LCLAT1: variants seen among roughly 807,000 people sequenced by gnomAD.
LCLAT1 encodes lysocardiolipin acyltransferase 1.
A neutral mutation model predicts 30.7 loss-of-function variants in LCLAT1; 11 were observed. That is an observed-to-expected ratio of 0.36 (90% CI 0.23 to 0.59). The LOEUF is 0.59. Ranked by LOEUF, LCLAT1 falls within the 20% of genes least tolerant of loss-of-function variation. LCLAT1 has a pLI of 0.77. For synonymous variants in LCLAT1, 155 were observed against 151.3 expected, an observed-to-expected ratio of 1.02 and a Z score of -0.18; for missense variants, 402 against 458.6, an observed-to-expected ratio of 0.88 and a Z score of 1.13.
At chr2:30,528,791 T>C (rs1685856545) in intron 2 of LCLAT1, among the ~76,000 whole-genome samples, 1 of 152,238 alleles carries the variant, frequency 6.6e-6, no homozygotes, top group Non-Finnish European at 1.5e-5. Context: ...GGAAAACTGC[T>C]GTCACTCAGC....
intron 1 of LCLAT1, among the ~76,000 whole-genome samples, chr2:30,512,206 T>C (rs911591752): frequency 2.0e-5 from 3 of 152,192 alleles, no homozygotes; most frequent in Non-Finnish European, 4.4e-5. Flanking sequence ...CTTATTTTAT[T>C]TCATGACACA....
intron 3 of LCLAT1, among the ~76,000 whole-genome samples, chr2:30,555,463 G>A (rs61006780): frequency 0.039 from 5,941 of 152,200 alleles, 398 homozygotes; most frequent in African/African-American, 0.13. Flanking sequence ...TAAGGATTGT[G>A]TTAGTTATAA....
At chr2:30,473,500 T>G (rs1161810105) in intron 1 of LCLAT1, among the ~76,000 whole-genome samples, 1 of 152,290 alleles carries the variant, frequency 6.6e-6, no homozygotes, top group South Asian at 2.1e-4. Flanking sequence ...TTTCATCCCT[T>G]TATTTATTCT....
At chr2:30,525,478 CT>C in intron 1 of LCLAT1, 108 bp from the exon 2 acceptor site, 1 of 836,056 alleles carries the variant, frequency 1.2e-6, no homozygotes, top group Non-Finnish European at 1.9e-6. Flanking sequence ...TTCTTAGAGC[CT>C]TTCTGTAGCC....
intron 5 of LCLAT1, among the ~76,000 whole-genome samples, chr2:30,617,434 G>A (rs1467845779): frequency 6.6e-6 from 1 of 152,070 alleles, no homozygotes; most frequent in African/African-American, 2.4e-5. Context: ...ACCATTCATG[G>A]ACTGATAGAC....
intron 5 of LCLAT1, among the ~76,000 whole-genome samples, chr2:30,628,755 A>G (rs1420965438): frequency 1.3e-5 from 2 of 152,200 alleles, no homozygotes; most frequent in Non-Finnish European, 2.9e-5. Flanking sequence ...ACTGATATCC[A>G]TTTGAAAGAA....
Position 30,550,603 on chromosome 2 carries a change from A to T in LCLAT1, c.365-11543A>T, listed in dbSNP as rs1664635735. On this transcript the variant is annotated intron_variant, in intron 3 of 5. Transcript: ENST00000379509. ...AGAGGTGGAGTACCCTTCTCATGTC[A>T]GAGGTTCATGATATCAACATGGCTT... is the stretch of plus-strand genomic sequence containing the variant. Among the ~76,000 whole-genome samples, 5 of 152,334 alleles carry T rather than the reference A, an allele frequency of 3.3e-5. No homozygotes were observed. In the South Asian group the frequency reaches 1.0e-3, roughly 32 times the overall value.
At chr2:30,634,452 C>G (rs953538311) in intron 5 of LCLAT1, among the ~76,000 whole-genome samples, 33 of 152,254 alleles carry the variant, frequency 2.2e-4, no homozygotes, top group African/African-American at 6.3e-4. Flanking sequence ...ATGGTGAAAC[C>G]CCATCTCTAC....
intron 1 of LCLAT1, among the ~76,000 whole-genome samples, chr2:30,510,622 C>T (rs1033894563): frequency 3.3e-5 from 5 of 152,146 alleles, no homozygotes; most frequent in African/African-American, 1.2e-4. Context: ...TCATTTTCTC[C>T]GGTTCCGGGG....
intron 5 of LCLAT1, among the ~76,000 whole-genome samples, chr2:30,611,320 A>G (rs553032992): frequency 5.3e-5 from 8 of 152,106 alleles, no homozygotes; most frequent in Non-Finnish European, 1.2e-4. Flanking sequence ...AAACTATATA[A>G]TGTCCTAATT....
intron 5 of LCLAT1, among the ~76,000 whole-genome samples, chr2:30,584,740 C>G (rs1185363957): frequency 6.6e-6 from 1 of 152,146 alleles, no homozygotes; most frequent in African/African-American, 2.4e-5. Context: ...CATCAGGCCT[C>G]TGTAATAATT....
intron 1 of LCLAT1, among the ~76,000 whole-genome samples, chr2:30,520,906 G>A (rs1421680014): frequency 6.6e-6 from 1 of 152,186 alleles, no homozygotes; most frequent in East Asian, 1.9e-4. Context: ...TGTGTGAACT[G>A]GAACAAATCC....
At position 30,487,395 on chromosome 2, in the gene LCLAT1, C is replaced by T. The variant is rs541087925; in HGVS notation, c.-4-38192C>T. Reference sequence around the variant, plus strand: ...CCGTAATTTAATAAATTGAAACAAACATAAAATAGTGACATTTGTAGTAGG... The same window carrying T: ...CCGTAATTTAATAAATTGAAACAAATATAAAATAGTGACATTTGTAGTAGG... On this transcript the variant is annotated intron_variant, in intron 1 of 5. Transcript: ENST00000379509. Among the ~76,000 whole-genome samples the T allele has an allele frequency of 2.6e-5, 4 of 152,268 alleles. No homozygotes were observed. In the East Asian group the frequency reaches 7.7e-4, roughly 29 times the overall value.
rs72798184 is a variant in LCLAT1 at position 30,633,124 on chromosome 2, A to G, written c.629-6993A>G. Among the ~76,000 whole-genome samples, 1,401 of 152,312 alleles carry G rather than the reference A, an allele frequency of 9.2e-3. 17 individuals are homozygous for G. The highest frequency in any genetic ancestry group is 0.012 in the Non-Finnish European group (824 of 68,028). ...TTTATTACTAGCTATGTACTGTTAC[A>G]TGTCCATGTCAACGTGGCACAGTGA... On this transcript the variant is annotated intron_variant, in intron 5 of 5. Coordinates refer to ENST00000379509, the MANE Select transcript of LCLAT1 (RefSeq NM_001002257.3).
intron 1 of LCLAT1, among the ~76,000 whole-genome samples, chr2:30,463,094 C>G (rs1682244976): frequency 6.6e-6 from 1 of 151,920 alleles, no homozygotes; most frequent in Non-Finnish European, 1.5e-5. Flanking sequence ...GCAAGATCCT[C>G]TCTCTTAATA....
intron 5 of LCLAT1, among the ~76,000 whole-genome samples, chr2:30,592,682 A>G (rs1666749549): frequency 6.6e-6 from 1 of 152,216 alleles, no homozygotes; most frequent in Non-Finnish European, 1.5e-5. Context: ...AGTAGCATCT[A>G]TTTAAATATA....
At chr2:30,607,253 G>C (rs1040251036) in intron 5 of LCLAT1, 1 of 152,038 alleles carries the variant, frequency 6.6e-6, no homozygotes, top group Non-Finnish European at 1.5e-5. Flanking sequence ...AGCCAGGATG[G>C]TCTCGATCTC....
In LCLAT1 at chr2:30,537,542, A is replaced by G. The variant is rs936781655; in HGVS notation, c.364+4228A>G. On this transcript the variant is annotated intron_variant, in intron 3 of 5. Coordinates refer to ENST00000379509, the MANE Select transcript of LCLAT1 (RefSeq NM_001002257.3). ...TAAATACACACACACACACACACACACACGCACGCACACCAAACACCGGAG... is the reference window on the plus strand; with the variant it reads ...TAAATACACACACACACACACACACGCACGCACGCACACCAAACACCGGAG... Among the ~76,000 whole-genome samples the G allele has an allele frequency of 2.0e-3, 306 of 151,910 alleles. 2 individuals are homozygous for G. Among genetic ancestry groups the G allele is most frequent in the Non-Finnish European group, 1.3e-3 (90 of 67,948 alleles).
At chr2:30,485,256 A>T (rs1339664310) in intron 1 of LCLAT1, among the ~76,000 whole-genome samples, 1 of 152,110 alleles carries the variant, frequency 6.6e-6, no homozygotes, top group East Asian at 1.9e-4. Flanking sequence ...AATAGTTTTA[A>T]GCTGACTAGA....
Sources: allele counts gnomAD v4.1 joint callset (sites outside exome capture counted in the v4.1 genomes callset), GRCh38; gene constraint gnomAD v4.1.1; transcripts MANE v1.5; gene names NCBI Gene and HGNC (gene_info 2026-07-23, HGNC 2026-07-21).